The following CSMD3 variants were observed in gnomAD, a reference collection of about 807,000 sequenced individuals.
CSMD3 encodes CUB and Sushi multiple domains 3, also known as CUB and sushi domain-containing protein 3.
Under a neutral mutation model 435.2 loss-of-function variants are expected in CSMD3, and 177 were observed. The ratio of observed to expected loss-of-function variants is 0.41; its 90% confidence interval spans 0.36 to 0.46. The LOEUF (loss-of-function observed/expected upper bound fraction) is 0.46. Ranked by LOEUF, CSMD3 falls within the 20% of genes least tolerant of loss-of-function variation. The pLI, the probability that CSMD3 is intolerant of heterozygous loss-of-function variation, is 0.34. For synonymous variants in CSMD3, 1,656 were observed against 1,520.5 expected (o/e 1.09, Z -2.07); for missense variants, 4,265 against 4,504.6 (o/e 0.95, Z 1.52).
chr8:112,282,531 A>G (rs1473373952), intron 58 of CSMD3, among the ~76,000 whole-genome samples: 2 of 152,074 alleles, frequency 1.3e-5, no homozygotes, highest in African/African-American at 4.8e-5. Context: ...TGTAATTTTT[A>G]TTTTGAAATA....
At chr8:112,841,394 A>G (rs1304904396) in intron 11 of CSMD3, among the ~76,000 whole-genome samples, 1 of 151,782 alleles carries the variant, frequency 6.6e-6, no homozygotes, top group East Asian at 1.9e-4. Flanking sequence ...GTTCCTTGTC[A>G]TTCCATAATA....
At chr8:112,343,766 C>T (rs1825398948) in intron 41 of CSMD3, among the ~76,000 whole-genome samples, 1 of 152,154 alleles carries the variant, frequency 6.6e-6, no homozygotes, top group Non-Finnish European at 1.5e-5. Context: ...CTGCCTCAGC[C>T]TTCTGATTAG....
intron 57 of CSMD3, among the ~76,000 whole-genome samples, chr8:112,288,069 C>T (rs1819390041): frequency 6.6e-6 from 1 of 150,882 alleles, no homozygotes; most frequent in African/African-American, 2.5e-5. Flanking sequence ...AAAATATAAG[C>T]ATTGAAAATG....
At position 113,370,362 on chromosome 8, in the gene CSMD3, C is replaced by G. The variant is rs184774360; in HGVS notation, c.179-55569G>C. 4.0e-5 allele frequency among the ~76,000 whole-genome samples: 6 copies of G among 151,046 alleles called. No homozygotes were observed. The East Asian group carries it at 7.8e-4, about 20-fold the overall frequency. ...CATAAACTTGTGATGTATCTTCCAG[C>G]CTTTTACTTAAAAGATAGAATCTAA... On this transcript the variant is annotated intron_variant, in intron 1 of 70. Transcript: ENST00000297405.
At chr8:113,227,164 G>T (rs928185005) in intron 3 of CSMD3, among the ~76,000 whole-genome samples, 9 of 151,454 alleles carry the variant, frequency 5.9e-5, no homozygotes, top group African/African-American at 2.2e-4. Context: ...GAAAAAAGGA[G>T]AAAATGAGAA....
chr8:112,861,371 G>C (rs1217184722), intron 10 of CSMD3, among the ~76,000 whole-genome samples: 1 of 151,844 alleles, frequency 6.6e-6, no homozygotes, highest in Non-Finnish European at 1.5e-5. Flanking sequence ...AATTATTCCT[G>C]TGAGGACCTA....
intron 13 of CSMD3, among the ~76,000 whole-genome samples, chr8:112,755,965 G>T (rs2077688268): frequency 6.6e-6 from 1 of 151,380 alleles, no homozygotes; most frequent in South Asian, 2.1e-4. Context: ...TCACAAGATT[G>T]AGATTATTTG....
chr8:112,694,796 C>A (rs943392914), intron 13 of CSMD3, among the ~76,000 whole-genome samples: 10 of 151,996 alleles, frequency 6.6e-5, no homozygotes, highest in Admixed American at 2.6e-4. Flanking sequence ...ATTTATAAAA[C>A]CTTTACTTAG....
At chr8:112,889,148 C>T (rs1184241023) in intron 10 of CSMD3, among the ~76,000 whole-genome samples, 1 of 151,682 alleles carries the variant, frequency 6.6e-6, no homozygotes, top group Admixed American at 6.6e-5. Context: ...TTTCCCCTTG[C>T]TGCCCCTACG....
At chr8:112,657,557 G>A (rs1195686241) in intron 17 of CSMD3, among the ~76,000 whole-genome samples, 3 of 152,070 alleles carry the variant, frequency 2.0e-5, no homozygotes, top group Non-Finnish European at 4.4e-5. Context: ...CTTTTAACAT[G>A]TATAACATCT....
Position 112,265,401 on chromosome 8 carries a change from A to G in CSMD3, c.9688+10T>C. ...ACCATTTTTAAATGTTGAAGAAATC[A>G]TTATCATACCTCTACAAGTTGGCAT... On this transcript the variant is annotated intron_variant, in intron 60 of 70. Transcript: ENST00000297405. The G allele has an allele frequency of 6.3e-7, 1 of 1,595,680 alleles. No homozygotes were observed. The highest frequency in any genetic ancestry group is 8.6e-7 in the Non-Finnish European group (1 of 1,163,518).
chr8:113,303,349 C>T (rs1217081946), intron 2 of CSMD3, among the ~76,000 whole-genome samples: 1 of 149,724 alleles, frequency 6.7e-6, no homozygotes, highest in Non-Finnish European at 1.5e-5. Flanking sequence ...AGGTAATTTA[C>T]AGATTCAATG....
intron 13 of CSMD3, among the ~76,000 whole-genome samples, chr8:112,690,589 C>A (rs1376645810): frequency 2.9e-5 from 1 of 34,914 alleles, no homozygotes; most frequent in African/African-American, 1.7e-4. Flanking sequence ...CCAACTAGAC[C>A]CCCCCCCCCA....
chr8:113,377,770 GC>G (rs2094395213), intron 1 of CSMD3, among the ~76,000 whole-genome samples: 1 of 152,102 alleles, frequency 6.6e-6, no homozygotes, highest in Admixed American at 6.5e-5. Context: ...CTAAAAATAA[GC>G]TTTCAACCCA....
At chr8:113,227,370 G>A (rs999457895) in intron 3 of CSMD3, among the ~76,000 whole-genome samples, 7 of 151,496 alleles carry the variant, frequency 4.6e-5, no homozygotes, top group African/African-American at 1.5e-4. Context: ...AGAATGATTG[G>A]CTCTGATCTA....
chr8:112,270,449 T>C (rs1817419233), intron 59 of CSMD3, among the ~76,000 whole-genome samples: 1 of 149,522 alleles, frequency 6.7e-6, no homozygotes, highest in Non-Finnish European at 1.5e-5. Flanking sequence ...ATAACTCCAG[T>C]GGGAAATTCT....
At chr8:112,696,603 A>T (rs1451036803) in intron 13 of CSMD3, among the ~76,000 whole-genome samples, 2 of 152,238 alleles carry the variant, frequency 1.3e-5, no homozygotes, top group East Asian at 1.9e-4. Flanking sequence ...TAAATGTTAG[A>T]CCTAAAAACA....
Position 113,229,312 on chromosome 8 carries a change from A to T in CSMD3, c.514+49280T>A, listed in dbSNP as rs561367401. Among the ~76,000 whole-genome samples the T allele has an allele frequency of 2.0e-5, 3 of 151,642 alleles. No individual in the cohort carries two copies. The South Asian group carries it at 6.2e-4, about 31-fold the overall frequency. On this transcript the variant is annotated intron_variant, in intron 3 of 70. Coordinates refer to ENST00000297405, the MANE Select transcript of CSMD3 (RefSeq NM_198123.2). Reference sequence around the variant, plus strand: ...TTGTTCAAAGATATGTTGAAGGGATATTTCTTGTTGGTTACTTTTTAATGT... The same window carrying T: ...TTGTTCAAAGATATGTTGAAGGGATTTTTCTTGTTGGTTACTTTTTAATGT...
chr8:112,865,686 CCACACA>C (rs3220985), intron 10 of CSMD3, among the ~76,000 whole-genome samples: 32 of 43,206 alleles, frequency 7.4e-4, no homozygotes, highest in African/African-American at 1.6e-3. Flanking sequence ...TTTACATACC[CCACACA>C]CACACACACA....
Sources: allele counts gnomAD v4.1 joint callset (sites outside exome capture counted in the v4.1 genomes callset), GRCh38; gene constraint gnomAD v4.1.1; transcripts MANE v1.5; gene names NCBI Gene and HGNC (gene_info 2026-07-23, HGNC 2026-07-21).